Variants in RPS6KC1 observed in about 807,000 individuals in gnomAD.
RPS6KC1 encodes inactive ribosomal protein S6 kinase delta-1.
Under a neutral mutation model 103.8 loss-of-function variants are expected in RPS6KC1, and 54 were observed. The observed-to-expected ratio is 0.52, with a 90% confidence interval of 0.42 to 0.65. The LOEUF is 0.65. RPS6KC1 is among the 30% of genes least tolerant of loss of function. The probability of loss-of-function intolerance (pLI) is 0.00; values close to 1 mark genes in which losing one functional copy is unlikely to be tolerated. For missense variants in RPS6KC1, 1,151 were observed against 1,253.8 expected (o/e 0.92, Z 1.24); for synonymous variants, 439 against 438.7 (o/e 1.00, Z -0.01).
the RPS6KC1 span, among the ~76,000 whole-genome samples, chr1:213,382,173 G>A: frequency 6.6e-6 from 1 of 152,104 alleles, no homozygotes. Context: ...CAGCAAATAA[G>A]AATACGGTGG....
At chr1:213,493,532 T>C in the RPS6KC1 span, among the ~76,000 whole-genome samples, 1 of 152,336 alleles carries the variant, frequency 6.6e-6, no homozygotes, top group South Asian at 2.1e-4. Context: ...ATTGTCTTGG[T>C]CACATGAAAC....
At chr1:213,686,666 C>T in the RPS6KC1 span, among the ~76,000 whole-genome samples, 1 of 151,970 alleles carries the variant, frequency 6.6e-6, no homozygotes, top group Admixed American at 6.6e-5. Context: ...TTTTTGTTAC[C>T]TGAAAGGGGT....
intron 6 of RPS6KC1, among the ~76,000 whole-genome samples, chr1:213,150,307 T>TTTAG (rs931862889): frequency 9.3e-5 from 14 of 150,374 alleles, no homozygotes; most frequent in African/African-American, 3.4e-4. Context: ...TATTTATTTA[T>TTTAG]TTATTTATTT....
chr1:213,320,150 T>C, the RPS6KC1 span, among the ~76,000 whole-genome samples: 1 of 152,210 alleles, frequency 6.6e-6, no homozygotes, highest in Admixed American at 6.5e-5. Context: ...AGAGCTAACC[T>C]GGTTGAAGAA....
At chr1:213,381,518 C>T in the RPS6KC1 span, among the ~76,000 whole-genome samples, 5 of 151,958 alleles carry the variant, frequency 3.3e-5, no homozygotes, top group Non-Finnish European at 5.9e-5. Context: ...GGGAGAAACC[C>T]CGTTTGATCT....
At chr1:213,417,902 C>A in the RPS6KC1 span, among the ~76,000 whole-genome samples, 2 of 152,304 alleles carry the variant, frequency 1.3e-5, no homozygotes, top group East Asian at 3.9e-4. Context: ...GCAGGTGATA[C>A]CGGTCATTAA....
chr1:213,563,703 T>C, the RPS6KC1 span, among the ~76,000 whole-genome samples: 1 of 152,140 alleles, frequency 6.6e-6, no homozygotes, highest in Non-Finnish European at 1.5e-5. Flanking sequence ...GTACCAATCA[T>C]GTTTCTAGAT....
At chr1:213,122,746 A>G (rs1341787489) in intron 5 of RPS6KC1, among the ~76,000 whole-genome samples, 1 of 152,130 alleles carries the variant, frequency 6.6e-6, no homozygotes, top group Non-Finnish European at 1.5e-5. Flanking sequence ...TTGCATACTC[A>G]GCTTGAAGAG....
chr1:213,583,520 G>T, the RPS6KC1 span, among the ~76,000 whole-genome samples: 1 of 152,112 alleles, frequency 6.6e-6, no homozygotes, highest in Non-Finnish European at 1.5e-5. Context: ...CAGACAGCTT[G>T]TTAAAAATAC....
chr1:213,197,759 A>T (rs142896326), intron 8 of RPS6KC1, among the ~76,000 whole-genome samples: 1 of 152,140 alleles, frequency 6.6e-6, no homozygotes, highest in Admixed American at 6.6e-5. Context: ...TGTCTGCTAT[A>T]TAAGTAGTTA....
At chr1:213,214,270 C>T (rs1160750510) in intron 8 of RPS6KC1, among the ~76,000 whole-genome samples, 8 of 152,258 alleles carry the variant, frequency 5.3e-5, no homozygotes, top group East Asian at 1.9e-4. Flanking sequence ...CACGGAGCTT[C>T]GCTCATTGCT....
chr1:213,668,405 A>ACCCCCCC, the RPS6KC1 span, among the ~76,000 whole-genome samples: 1 of 39,788 alleles, frequency 2.5e-5, no homozygotes, highest in Admixed American at 2.5e-4. Flanking sequence ...CCGCCGCACC[A>ACCCCCCC]CCCCCACCCC....
At chr1:213,156,019 A>G (rs2089848831) in intron 6 of RPS6KC1, among the ~76,000 whole-genome samples, 1 of 152,230 alleles carries the variant, frequency 6.6e-6, no homozygotes, top group Non-Finnish European at 1.5e-5. Flanking sequence ...TAGAAGCAGG[A>G]AAAATACCCC....
rs115022216 is a variant in RPS6KC1, at chr1:213,206,480, T to C, written c.1045-24017T>C. Among the ~76,000 whole-genome samples the C allele has an allele frequency of 2.4e-3, 360 of 152,260 alleles. 1 individual carries two copies. The highest frequency in any genetic ancestry group is 3.7e-3 in the Non-Finnish European group (254 of 68,006). On this transcript the variant is annotated intron_variant, in intron 8 of 14. Transcript: ENST00000366960. ...CTTCTTTTTAGTCTAGTTGGAAAGA[T>C]ATAAGTAAATACATAAGTTGTAAAG...
the RPS6KC1 span, among the ~76,000 whole-genome samples, chr1:213,476,000 G>A: frequency 1.3e-5 from 2 of 152,188 alleles, no homozygotes; most frequent in Non-Finnish European, 1.5e-5. Context: ...TTTCCCTGGA[G>A]AGGGCCCTCA....
the RPS6KC1 span, among the ~76,000 whole-genome samples, chr1:213,321,839 G>T: frequency 1.3e-5 from 2 of 152,220 alleles, no homozygotes; most frequent in Non-Finnish European, 2.9e-5. Flanking sequence ...TTTGAGCAAA[G>T]ACATGAAGGA....
chr1:213,268,833 C>A (rs2094973318), intron 14 of RPS6KC1, among the ~76,000 whole-genome samples: 1 of 150,916 alleles, frequency 6.6e-6, no homozygotes, highest in African/African-American at 2.4e-5. Context: ...AGGGATACAG[C>A]AACCACTTAA....
At chr1:213,063,719 G>A (rs2148380539) in intron 1 of RPS6KC1, among the ~76,000 whole-genome samples, 1 of 152,268 alleles carries the variant, frequency 6.6e-6, no homozygotes, top group East Asian at 1.9e-4. Context: ...TCCTTTTGGG[G>A]ATTTACTAGG....
the RPS6KC1 span, among the ~76,000 whole-genome samples, chr1:213,683,635 T>C: frequency 6.6e-6 from 1 of 152,160 alleles, no homozygotes; most frequent in Non-Finnish European, 1.5e-5. Context: ...TTTTCCTTAA[T>C]CAGGGCTGGT....
Sources: gnomAD v4.1 joint callset for allele counts (sites outside exome capture counted in the v4.1 genomes callset) on GRCh38, gnomAD v4.1.1 for gene constraint, MANE v1.5 for transcripts, NCBI Gene and HGNC (gene_info 2026-07-23, HGNC 2026-07-21) for gene names.